Variants in ADAP1 observed in about 807,000 individuals in gnomAD.
The protein encoded by ADAP1 is arf-GAP with dual PH domain-containing protein 1.
ADAP1 carries 31 observed loss-of-function variants against 54.9 expected under a neutral mutation model. That is an observed-to-expected ratio of 0.56 (90% CI 0.42 to 0.76). ADAP1 has a LOEUF of 0.76. ADAP1 is among the 30% of genes least tolerant of loss of function. The pLI is 0.00. For synonymous variants in ADAP1, 313 were observed against 202.6 expected (o/e 1.55, Z -4.63); for missense variants, 535 against 512.4 (o/e 1.04, Z -0.42).
Position 909,713 on chromosome 7 carries a change from T to TG in ADAP1, c.389-4542dup, listed in dbSNP as rs542486539. Among the ~76,000 whole-genome samples, 18 of 152,256 alleles carry TG rather than the reference T, an allele frequency of 1.2e-4. No individual in the cohort carries two copies. In the East Asian group the frequency reaches 3.5e-3, roughly 29 times the overall value. On this transcript the variant is annotated intron_variant, in intron 4 of 10. Coordinates refer to ENST00000265846, the MANE Select transcript of ADAP1 (RefSeq NM_006869.4). Reference sequence around the variant, plus strand: ...CACGGCAGCGTCCTGGACAGCCGGGTGGGCTGTGGCCAGAAATGGCCATTT... The same window carrying TG: ...CACGGCAGCGTCCTGGACAGCCGGGTGGGGCTGTGGCCAGAAATGGCCATTT...
At chr7:905,905 G>GAAGGGAGAAGGGAA (rs1845251676) in intron 4 of ADAP1, among the ~76,000 whole-genome samples, 1 of 22,378 alleles carries the variant, frequency 4.5e-5, no homozygotes, top group Admixed American at 5.5e-4. Context: ...GGAGAAAGGA[G>GAAGGGAGAAGGGAA]AAAGGGAAAG....
chr7:923,405 G>C (rs1357248021), intron 3 of ADAP1: 2 of 152,046 alleles, frequency 1.3e-5, no homozygotes, highest in South Asian at 2.1e-4. Context: ...ACAGGAAGCA[G>C]GGAGGGGCCG....
intron 3 of ADAP1, among the ~76,000 whole-genome samples, chr7:924,756 C>T (rs72569837): frequency 2.0e-5 from 3 of 151,664 alleles, no homozygotes; most frequent in African/African-American, 4.8e-5. Flanking sequence ...CCCATGTCAG[C>T]CCCCGGTCCC....
rs547121038 is a variant in ADAP1, at chr7:923,969, C to T, written c.305+2584G>A. Among the ~76,000 whole-genome samples the T allele has an allele frequency of 7.1e-3, 1,082 of 152,082 alleles. 7 individuals carry two copies. The highest frequency in any genetic ancestry group is 0.011 in the Non-Finnish European group (764 of 67,886). On this transcript the variant is annotated intron_variant, in intron 3 of 10. Coordinates refer to ENST00000265846, the MANE Select transcript of ADAP1 (RefSeq NM_006869.4). ...CGCCAGGCTGGACGTTTGGGCCCCA[C>T]GAGCCACAGAGCCGGACCACAAAAT...
Position 916,206 on chromosome 7 carries a change from C to T in ADAP1, c.388+3762G>A, listed in dbSNP as rs574473605. ...AGCCCGGGAGAGCAGGGATGTAAAA[C>T]CCAAACTTGCCAAAGGAGGTGGCCA... is the stretch of plus-strand genomic sequence containing the variant. On this transcript the variant is annotated intron_variant, in intron 4 of 10. Transcript: ENST00000265846. 6.6e-5 allele frequency among the ~76,000 whole-genome samples: 10 copies of T among 152,272 alleles called. No individual in the cohort carries two copies. The South Asian group carries it at 2.1e-3, about 32-fold the overall frequency.
At chr7:909,692 G>A (rs1258017244) in intron 4 of ADAP1, among the ~76,000 whole-genome samples, 1 of 152,252 alleles carries the variant, frequency 6.6e-6, no homozygotes, top group Admixed American at 6.5e-5. Flanking sequence ...CCCTCACACG[G>A]CAGCGTCCTG....
At chr7:932,927 G>A (rs1275973838) in intron 2 of ADAP1, among the ~76,000 whole-genome samples, 3 of 152,162 alleles carry the variant, frequency 2.0e-5, no homozygotes, top group Non-Finnish European at 2.9e-5. Flanking sequence ...GTCTTTTTCT[G>A]TCTCCCAGGC....
intron 6 of ADAP1, 45 bp from the exon 7 acceptor site, chr7:900,661 C>CGCTGAGGTCCCCACAGAGGG: frequency 2.1e-6 from 3 of 1,443,280 alleles, no homozygotes; most frequent in East Asian, 4.8e-5. Flanking sequence ...GAGGCTGCAG[C>CGCTGAGGTCCCCACAGAGGG]GCTGGGGTCC....
In ADAP1 at chr7:926,931, A is replaced by G. The variant is rs1163957068; in HGVS notation, c.214-287T>C. 1.6e-6 allele frequency: 2 copies of G among 1,223,328 alleles called. No homozygotes were observed. Among genetic ancestry groups the G allele is most frequent in the Admixed American group, 6.9e-5 (2 of 28,826 alleles). 75.8% of individuals were successfully genotyped at this position (1,223,328 alleles called of 1,614,324 possible). ...TGAGGATGGGTCTGAGGTTTGCCCC[A>G]CCGTTTCAACCCCCAAGTCCACCCA... On this transcript the variant is annotated intron_variant, in intron 2 of 10. Coordinates refer to ENST00000265846, the MANE Select transcript of ADAP1 (RefSeq NM_006869.4). The surrounding 1 kb of genome is among the most constrained non-coding windows in gnomAD (Gnocchi z 4.6).
At chr7:903,629 C>A (rs1396645866) in intron 6 of ADAP1, among the ~76,000 whole-genome samples, 1 of 152,106 alleles carries the variant, frequency 6.6e-6, no homozygotes, top group Non-Finnish European at 1.5e-5. Flanking sequence ...TGGGTTCCCC[C>A]CAAGCCCTCC....
Position 898,753 on chromosome 7 carries a change from C to G in ADAP1, c.*168G>C. On this transcript the variant is annotated 3_prime_UTR_variant, in exon 11 of 11. Transcript: ENST00000265846. ...GCCTGGGCTGCCTGCCTTGAGGTTC[C>G]AGAGAAGCATCCTGGAAGCTGAAGC... is the stretch of plus-strand genomic sequence containing the variant. The G allele has an allele frequency of 1.2e-6, 1 of 859,504 alleles. No individual in the cohort carries two copies. The highest frequency in any genetic ancestry group is 1.8e-6 in the Non-Finnish European group (1 of 553,284). The allele number at this position is 859,504 out of a possible 1,614,324, so 53.2% of individuals were successfully genotyped here.
chr7:909,326 GGTCCTCCC>G (rs1562918039), intron 4 of ADAP1, among the ~76,000 whole-genome samples: 2,182 of 55,932 alleles, frequency 0.039, 427 homozygotes, highest in African/African-American at 0.17. Context: ...CGGGAACCCC[GGTCCTCCC>G]GACAGCAGGC....
intron 3 of ADAP1, among the ~76,000 whole-genome samples, chr7:922,747 C>G (rs983002064): frequency 6.6e-6 from 1 of 152,122 alleles, no homozygotes; most frequent in Admixed American, 6.5e-5. Context: ...CAGTGGCTCA[C>G]CCAGATGGGT....
rs1051316694 is a variant in ADAP1, at chr7:898,558, T to C, written c.*363A>G. ...ACCGTGCTGGCCCCAAGCAGGGCTC[T>C]GCGCTGAGGCCTGGAAGTTCCCACA... On this transcript the variant is annotated 3_prime_UTR_variant, in exon 11 of 11. Coordinates refer to ENST00000265846, the MANE Select transcript of ADAP1 (RefSeq NM_006869.4). 1 of 370,398 alleles carries C rather than the reference T, an allele frequency of 2.7e-6. No homozygotes were observed. Among genetic ancestry groups the C allele is most frequent in the Non-Finnish European group, 5.2e-6 (1 of 193,632 alleles). The allele number at this position is 370,398 out of a possible 1,614,324, so 22.9% of individuals were successfully genotyped here.
chr7:928,123 G>C (rs747325290), intron 2 of ADAP1, among the ~76,000 whole-genome samples: 5 of 152,026 alleles, frequency 3.3e-5, no homozygotes, highest in African/African-American at 7.2e-5. Context: ...GGGAGGCCGA[G>C]GTGGGAAGAT....
intron 1 of ADAP1, among the ~76,000 whole-genome samples, chr7:952,660 C>G (rs1013483636): frequency 2.6e-5 from 4 of 152,122 alleles, no homozygotes; most frequent in Admixed American, 2.6e-4. Context: ...CCTAAGACAG[C>G]TCCCTTTGCA....
In ADAP1 at chr7:926,567, C is replaced by T. The variant is rs886144845; in HGVS notation, c.291G>A (p.Thr97=). ...TTTGTACTCACTGGCAGTCGGAGGG[C>T]GTGGGCCGGTAGTAGAAGGAGGGTA... is the stretch of plus-strand genomic sequence containing the variant. ...SKVPSFYYRP[T]PSDCQLLREQ... is the part of the protein sequence containing the mutation. Residue 97 remains threonine, a synonymous_variant, in exon 3 of 11, where the codon ACG becomes ACA. Transcript: ENST00000265846. This position sits in a 1 kb window ranked among gnomAD's most constrained non-coding sequence, Gnocchi z 4.6. The T allele has an allele frequency of 3.9e-6, 6 of 1,538,224 alleles. No individual in the cohort carries two copies. The highest frequency in any genetic ancestry group is 2.5e-5 in the East Asian group (1 of 39,664).
chr7:941,519 AT>A, intron 1 of ADAP1, among the ~76,000 whole-genome samples: 2 of 152,362 alleles, frequency 1.3e-5, no homozygotes, highest in Middle Eastern at 6.8e-3. Flanking sequence ...AGCAACAAGC[AT>A]TCAGAAATTG....
intron 4 of ADAP1, among the ~76,000 whole-genome samples, chr7:910,360 C>CA (rs1845674138): frequency 6.6e-6 from 1 of 152,144 alleles, no homozygotes; most frequent in Admixed American, 6.5e-5. Flanking sequence ...AGTGATCCTC[C>CA]AGCCTTGGCC....
Sources: allele counts gnomAD v4.1 joint callset (sites outside exome capture counted in the v4.1 genomes callset), GRCh38; gene constraint gnomAD v4.1.1; non-coding constraint Gnocchi (gnomAD v3.1); transcripts MANE v1.5; gene names NCBI Gene and HGNC (gene_info 2026-07-23, HGNC 2026-07-21).